Variants in C9orf72 observed in about 807,000 individuals in gnomAD.
C9orf72 encodes the protein guanine nucleotide exchange factor C9orf72.
Under a neutral mutation model 51.6 loss-of-function variants are expected in C9orf72, and 44 were observed. The observed-to-expected ratio is 0.85, with a 90% CI of 0.67 to 1.10. The LOEUF (loss-of-function observed/expected upper bound fraction) is 1.10, where lower values mean the gene tolerates loss of function less well. Among genes scored for constraint, C9orf72 ranks in the 50% least tolerant of loss-of-function variants. The probability of loss-of-function intolerance (pLI) is 0.00; values close to 1 mark genes in which losing one functional copy is unlikely to be tolerated. For missense variants in C9orf72, 607 were observed against 570.6 expected (o/e 1.06, Z -0.65); for synonymous variants, 213 against 194.2 (o/e 1.10, Z -0.81).
At chr9:27,569,932 G>A (rs1209582066) in intron 1 of C9orf72, among the ~76,000 whole-genome samples, 2 of 152,180 alleles carry the variant, frequency 1.3e-5, no homozygotes, top group Admixed American at 1.3e-4. Flanking sequence ...AGTTCAGTCT[G>A]ATGGAAAGCA....
At chr9:27,561,321 G>C in intron 5 of C9orf72, 3 of 1,221,706 alleles carry the variant, frequency 2.5e-6, no homozygotes, top group Non-Finnish European at 2.0e-6. Flanking sequence ...AGTAAAACAA[G>C]AAACCAGAAT....
chr9:27,560,474 G>T, intron 5 of C9orf72, 175 bp from the exon 6 acceptor site: 1 of 603,630 alleles, frequency 1.7e-6, no homozygotes. Flanking sequence ...ATTTTCTAGA[G>T]ACCTTTCACA....
Position 27,558,514 on chromosome 9 carries a change from G to C in C9orf72, c.832C>G (p.Leu278Val). ...AESSFKYESGLFVQGLLKDST... is the reference protein window; with the variant it reads ...AESSFKYESGVFVQGLLKDST... ...ACCTTTAGCAGGCCTTGTACAAAGA[G>C]CCCTGACTCATATTTAAATGATGAT... Residue 278 changes from leucine to valine, a missense_variant, in exon 7 of 11, where the codon CTC becomes GTC. By Grantham distance (32) the Leu-to-Val change is conservative (BLOSUM62 1). Transcript: ENST00000380003. 6.3e-7 allele frequency: 1 copy of C among 1,598,742 alleles called. No individual in the cohort carries two copies. Among genetic ancestry groups the C allele is most frequent in the Non-Finnish European group, 8.5e-7 (1 of 1,170,322 alleles).
chr9:27,571,018 C>A (rs1023378448), intron 1 of C9orf72: 9 of 152,138 alleles, frequency 5.9e-5, no homozygotes, highest in Admixed American at 2.0e-4. Context: ...GAGAGCTGTA[C>A]AATTATTTTA....
chr9:27,567,083 G>C lies in C9orf72; in HGVS notation c.38C>G (p.Ala13Gly). Residue 13 changes from alanine to glycine, a missense_variant, in exon 2 of 11, where the codon GCC becomes GGC. Transcript: ENST00000380003. ...GCCACTTAAAGCAATCTCTGTCTTGGCAACAGCTGGAGATGGCGGTGGGCA... is the reference window on the plus strand; with the variant it reads ...GCCACTTAAAGCAATCTCTGTCTTGCCAACAGCTGGAGATGGCGGTGGGCA... ...TLCPPPSPAV[A>G]KTEIALSGKS... 2 of 1,613,846 alleles carry C rather than the reference G, an allele frequency of 1.2e-6. No individual in the cohort carries two copies. The highest frequency in any genetic ancestry group is 1.7e-6 in the Non-Finnish European group (2 of 1,179,834).
intron 1 of C9orf72, among the ~76,000 whole-genome samples, chr9:27,567,655 G>C (rs564963555): frequency 7.0e-4 from 106 of 152,238 alleles, no homozygotes; most frequent in African/African-American, 1.9e-3. Flanking sequence ...CCTAACCCTT[G>C]GTGTACGTGA....
At chr9:27,554,756 T>C (rs1170879200) in intron 8 of C9orf72, 1 of 394,442 alleles carries the variant, frequency 2.5e-6, no homozygotes, top group African/African-American at 2.1e-5. Flanking sequence ...TACTTAAAAG[T>C]AAAATGACTC....
chr9:27,551,416 C>T (rs1265532013), intron 8 of C9orf72, among the ~76,000 whole-genome samples: 1 of 152,236 alleles, frequency 6.6e-6, no homozygotes, highest in African/African-American at 2.4e-5. Context: ...CAGGCCCCAC[C>T]TCCCTTTCAT....
chr9:27,571,547 T>C (rs1819586763), intron 1 of C9orf72, among the ~76,000 whole-genome samples: 1 of 152,042 alleles, frequency 6.6e-6, no homozygotes, highest in African/African-American at 2.4e-5. Flanking sequence ...CTTCAAACTC[T>C]TGGGCTCAAA....
At chr9:27,551,172 G>A (rs1820899017) in intron 8 of C9orf72, among the ~76,000 whole-genome samples, 1 of 152,166 alleles carries the variant, frequency 6.6e-6, no homozygotes, top group African/African-American at 2.4e-5. Flanking sequence ...AAAAATTTGA[G>A]TGAGATTAGA....
At position 27,561,837 on chromosome 9, in the gene C9orf72, C is replaced by T. The variant is rs148484555; in HGVS notation, c.601-188G>A. Among the ~76,000 whole-genome samples the T allele has an allele frequency of 6.9e-3, 1,047 of 152,242 alleles. 3 individuals carry two copies. The highest frequency in any genetic ancestry group is 0.012 in the Non-Finnish European group (847 of 67,976). On this transcript the variant is annotated intron_variant, in intron 4 of 10. Coordinates refer to ENST00000380003, the MANE Select transcript of C9orf72 (RefSeq NM_018325.5). ...AACTTCAGAAGAACAAATGTGAAAG[C>T]TGGTCAAGCAGGTTAAACAATTTTT... is the stretch of plus-strand genomic sequence containing the variant.
chr9:27,567,533 T>C (rs1819496668), intron 1 of C9orf72, among the ~76,000 whole-genome samples: 1 of 152,158 alleles, frequency 6.6e-6, no homozygotes, highest in South Asian at 2.1e-4. Flanking sequence ...TGACTGGAGA[T>C]TTGGCCCCTA....
Position 27,548,433 on chromosome 9 carries a change from T to TG in C9orf72, c.1260-12dup, listed in dbSNP as rs749166700. 2.9e-4 allele frequency: 82 copies of TG among 286,110 alleles called. No individual in the cohort carries two copies. The highest frequency in any genetic ancestry group is 3.0e-4 in the Non-Finnish European group (69 of 232,316). The allele number at this position is 286,110 out of a possible 1,614,324, so 17.7% of individuals were successfully genotyped here. On this transcript the variant is annotated splice_polypyrimidine_tract_variant and intron_variant, in intron 10 of 10. Transcript: ENST00000380003. Reference sequence around the variant, plus strand: ...TTTTTTCCCTTCTGCCTAAAAATAATGGAAAAAAAAAAAAAAAAAAAAAAA... The same window carrying TG: ...TTTTTTCCCTTCTGCCTAAAAATAATGGGAAAAAAAAAAAAAAAAAAAAAAA...
intron 9 of C9orf72, among the ~76,000 whole-genome samples, chr9:27,550,216 G>C (rs1054145159): frequency 6.7e-6 from 1 of 149,106 alleles, no homozygotes; most frequent in Non-Finnish European, 1.5e-5. Flanking sequence ...ATATATACTT[G>C]TACTACATAT....
At position 27,571,590 on chromosome 9, in the gene C9orf72, G is replaced by C. The variant is rs2131549915; in HGVS notation, c.-45+1841C>G. 1.3e-5 allele frequency among the ~76,000 whole-genome samples: 2 copies of C among 152,150 alleles called. 1 individual carries two copies. The highest frequency in any genetic ancestry group is 4.2e-4 in the South Asian group (2 of 4,814). The stretch of plus-strand genomic sequence containing the variant: ...CCTGCCTCAGCCTCCCAAGTAGCTA[G>C]GACTACAGGTGCACATCACCACGCC... On this transcript the variant is annotated intron_variant, in intron 1 of 10. Transcript: ENST00000380003.
At chr9:27,565,724 G>A (rs1819453344) in intron 2 of C9orf72, 134 bp from the exon 3 acceptor site, 1 of 598,476 alleles carries the variant, frequency 1.7e-6, no homozygotes. Context: ...AAAAATGGGG[G>A]CAGGGGTAGG....
At chr9:27,566,227 ACCT>A (rs2131544663) in intron 2 of C9orf72, among the ~76,000 whole-genome samples, 1 of 152,280 alleles carries the variant, frequency 6.6e-6, no homozygotes, top group South Asian at 2.1e-4. Context: ...ATTCCATTCA[ACCT>A]CCTCATTTTA....
intron 3 of C9orf72, among the ~76,000 whole-genome samples, chr9:27,564,582 T>A (rs772894311): frequency 1.6e-4 from 24 of 152,176 alleles, no homozygotes; most frequent in Non-Finnish European, 2.9e-4. Flanking sequence ...AATAACTGTC[T>A]CTGAATTGGA....
chr9:27,572,484 G>A (rs1462385867), intron 1 of C9orf72, among the ~76,000 whole-genome samples: 1 of 146,018 alleles, frequency 6.8e-6, no homozygotes. Flanking sequence ...TTGATCCTTT[G>A]TACAAAAGTA....
Sources: allele counts gnomAD v4.1 joint callset (sites outside exome capture counted in the v4.1 genomes callset), GRCh38; gene constraint gnomAD v4.1.1; transcripts MANE v1.5; gene names NCBI Gene and HGNC (gene_info 2026-07-23, HGNC 2026-07-21).